Variants in CCN4 observed in about 807,000 individuals in gnomAD.
The protein encoded by CCN4 is cellular communication network factor 4.
A neutral mutation model predicts 36.7 loss-of-function variants in CCN4; 30 were observed. The ratio of observed to expected loss-of-function variants is 0.82; its 90% CI spans 0.61 to 1.11. CCN4 has a LOEUF of 1.11. Ranked by LOEUF, CCN4 falls within the 50% of genes least tolerant of loss-of-function variation. The pLI is 0.00. For synonymous variants in CCN4, 191 were observed against 195.4 expected (o/e 0.98, Z 0.19); for missense variants, 505 against 504.9 (o/e 1.00, Z 0.00).
chr8:133,210,077 G>T (rs1276095813), intron 1 of CCN4, among the ~76,000 whole-genome samples: 1 of 152,142 alleles, frequency 6.6e-6, no homozygotes, highest in Admixed American at 6.5e-5. Context: ...AGCCTTTTTA[G>T]CCGACAATCC....
At chr8:133,213,802 A>G (rs1854159385) in intron 2 of CCN4, among the ~76,000 whole-genome samples, 1 of 146,372 alleles carries the variant, frequency 6.8e-6, no homozygotes, top group African/African-American at 2.5e-5. Context: ...AGGGGGAAAT[A>G]TACTACATAT....
At chr8:133,192,963 T>C (rs1324243005) in intron 1 of CCN4, among the ~76,000 whole-genome samples, 3 of 152,198 alleles carry the variant, frequency 2.0e-5, no homozygotes, top group Admixed American at 2.0e-4. Context: ...ACCTCTCTTC[T>C]AGGCAGCCCC....
chr8:133,225,123 T>C (rs1854680553), intron 3 of CCN4, among the ~76,000 whole-genome samples: 1 of 152,200 alleles, frequency 6.6e-6, no homozygotes, highest in South Asian at 2.1e-4. Context: ...GAATTTGAAC[T>C]GGGATCCACC....
Position 133,213,144 on chromosome 8 carries a change from G to C in CCN4, c.349+1G>C. On this transcript the variant is annotated splice_donor_variant, in intron 2 of 4. Coordinates refer to ENST00000250160, the MANE Select transcript of CCN4 (RefSeq NM_003882.4). LOFTEE classifies it high-confidence loss of function. ...AGGTACGCAATAGGAGTGTGTGCAC[G>C]TAAGTGAGTCCTCCATACCTTCTGA... is the stretch of plus-strand genomic sequence containing the variant. The C allele has an allele frequency of 6.9e-7, 1 of 1,454,186 alleles. No individual in the cohort carries two copies. The allele number at this position is 1,454,186 out of a possible 1,614,324, so 90.1% of individuals were successfully genotyped here.
chr8:133,191,286 G>A, intron 1 of CCN4, 73 bp downstream of exon 1: 2 of 1,502,616 alleles, frequency 1.3e-6, no homozygotes, highest in East Asian at 2.4e-5. Context: ...CATGGGGGCT[G>A]GTGGGCAGGA....
intron 1 of CCN4, among the ~76,000 whole-genome samples, chr8:133,207,527 G>A (rs961653037): frequency 2.6e-5 from 4 of 152,112 alleles, no homozygotes; most frequent in East Asian, 1.9e-4. Flanking sequence ...TTAGTGGCTC[G>A]AAAACTCTGG....
At chr8:133,211,946 C>T (rs1422685870) in intron 1 of CCN4, among the ~76,000 whole-genome samples, 3 of 152,228 alleles carry the variant, frequency 2.0e-5, no homozygotes, top group Non-Finnish European at 4.4e-5. Context: ...GCTGGAGATA[C>T]AGGCAGCTTG....
At chr8:133,201,749 A>G (rs1853593763) in intron 1 of CCN4, among the ~76,000 whole-genome samples, 1 of 152,136 alleles carries the variant, frequency 6.6e-6, no homozygotes, top group Non-Finnish European at 1.5e-5. Context: ...AGGCTGAGGG[A>G]CAAGAATCAC....
chr8:133,220,739 C>G lies in CCN4; in HGVS notation c.508C>G (p.Pro170Ala). ...VRPPRLWCPH[P>A]RRVSIPGHCC... is the part of the protein sequence containing the mutation. The stretch of plus-strand genomic sequence containing the variant: ...CCCCCCGCGTCTCTGGTGCCCCCAC[C>G]CGCGGCGCGTGAGCATACCTGGCCA... Residue 170 changes from proline to alanine, a missense_variant, in exon 3 of 5, where the codon CCG becomes GCG. Coordinates refer to ENST00000250160, the MANE Select transcript of CCN4 (RefSeq NM_003882.4). The G allele has an allele frequency of 6.2e-7, 1 of 1,613,578 alleles. No individual in the cohort carries two copies. The highest frequency in any genetic ancestry group is 8.5e-7 in the Non-Finnish European group (1 of 1,179,954).
rs149109482 is a variant in CCN4, at chr8:133,200,412, G to T, written c.69+9199G>T. Among the ~76,000 whole-genome samples, 722 of 152,314 alleles carry T rather than the reference G, an allele frequency of 4.7e-3. 6 individuals are homozygous for T. Among genetic ancestry groups the T allele is most frequent in the African/African-American group, 0.016 (651 of 41,572 alleles). ...GCCCTTGTAGGTGGAACAAGCCCGA[G>T]CTCAATGACAGCAAAGAGCTTCATT... On this transcript the variant is annotated intron_variant, in intron 1 of 4. Coordinates refer to ENST00000250160, the MANE Select transcript of CCN4 (RefSeq NM_003882.4).
At position 133,191,202 on chromosome 8, in the gene CCN4, G is replaced by T. The variant is rs774136940; in HGVS notation, c.58G>T (p.Val20Phe). 1.2e-6 allele frequency: 2 copies of T among 1,606,096 alleles called. No homozygotes were observed. The highest frequency in any genetic ancestry group is 1.3e-5 in the African/African-American group (1 of 74,880). The change falls in exon 1 of 5, where the codon GTC becomes TTC. Residue 20 changes from valine (V) to phenylalanine (F), a missense_variant. By Grantham distance (50) the Val-to-Phe change is conservative. Coordinates refer to ENST00000250160, the MANE Select transcript of CCN4 (RefSeq NM_003882.4). The stretch of plus-strand genomic sequence containing the variant: ...AGTGACAGCAGCAGCCGCCAGCACC[G>T]TCCTGGCCACGGTGAGTCCTGCCTG... ...AAVTAAAASTVLATALSPAPT... is the reference protein window; with the variant it reads ...AAVTAAAASTFLATALSPAPT...
Position 133,227,560 on chromosome 8 carries a change from C to G in CCN4, c.954C>G (p.Ile318Met), listed in dbSNP as rs765459228. ...RCCIPYKSKT[I>M]DVSFQCPDGL... ...GCATCCCCTACAAGTCTAAGACTAT[C>G]GACGTGTCCTTCCAGTGTCCTGATG... Residue 318 changes from isoleucine (I) to methionine (M), a missense_variant, in exon 5 of 5, where the codon ATC (isoleucine) becomes ATG (methionine). Physicochemically the swap from Ile to Met is conservative, Grantham distance 10. Transcript: ENST00000250160. 6.2e-7 allele frequency: 1 copy of G among 1,614,234 alleles called. No homozygotes were observed. Among genetic ancestry groups the G allele is most frequent in the East Asian group, 2.2e-5 (1 of 44,880 alleles).
intron 2 of CCN4, among the ~76,000 whole-genome samples, chr8:133,218,238 T>C (rs1252910686): frequency 6.6e-6 from 1 of 152,092 alleles, no homozygotes; most frequent in African/African-American, 2.4e-5. Context: ...CATGAAGTCA[T>C]TGGGAGAACT....
Position 133,220,796 on chromosome 8 carries a change from G to C in CCN4, c.565G>C (p.Ala189Pro), listed in dbSNP as rs73711822. The C allele has an allele frequency of 6.2e-7, 1 of 1,610,630 alleles. No homozygotes were observed. Among genetic ancestry groups the C allele is most frequent in the Non-Finnish European group, 8.5e-7 (1 of 1,178,502 alleles). Residue 189 changes from alanine (A) to proline (P), a missense_variant, in exon 3 of 5, where the codon GCC becomes CCC. Transcript: ENST00000250160. The part of the protein sequence containing the change: ...CCEQWVCEDD[A>P]KRPRKTAPRD... ...TGAGCAGTGGGTATGTGAGGACGAC[G>C]CCAAGAGGCCACGCAAGACCGCACC...
At position 133,206,797 on chromosome 8, in the gene CCN4, T is replaced by G. The variant is rs1489576128; in HGVS notation, c.70-6067T>G. Among the ~76,000 whole-genome samples the G allele has an allele frequency of 2.0e-5, 3 of 152,176 alleles. No individual in the cohort carries two copies. In the East Asian group the frequency reaches 5.8e-4, roughly 29 times the overall value. ...CTGGAATTAAGGTCCCAGAACTAAC[T>G]GGGAGGTTCTAAGATGTGACCTCGC... is the stretch of plus-strand genomic sequence containing the variant. On this transcript the variant is annotated intron_variant, in intron 1 of 4. Transcript: ENST00000250160.
At chr8:133,215,040 G>A (rs1367383833) in intron 2 of CCN4, among the ~76,000 whole-genome samples, 3 of 152,146 alleles carry the variant, frequency 2.0e-5, no homozygotes, top group African/African-American at 7.2e-5. Context: ...TTGGCTTTCT[G>A]TGAATAACCA....
At chr8:133,215,727 T>C (rs547354665) in intron 2 of CCN4, among the ~76,000 whole-genome samples, 3 of 152,114 alleles carry the variant, frequency 2.0e-5, no homozygotes, top group Admixed American at 2.0e-4. Flanking sequence ...TCCTTTTATT[T>C]GAAAAAAACA....
At chr8:133,197,673 C>T (rs1404747134) in intron 1 of CCN4, among the ~76,000 whole-genome samples, 6 of 152,126 alleles carry the variant, frequency 3.9e-5, no homozygotes, top group Non-Finnish European at 5.9e-5. Context: ...AATCTGAGCC[C>T]GCCCACCCCA....
chr8:133,220,079 A>C (rs1854461497), intron 2 of CCN4, among the ~76,000 whole-genome samples: 1 of 152,024 alleles, frequency 6.6e-6, no homozygotes, highest in South Asian at 2.1e-4. Context: ...TCCACAGCAT[A>C]AGCTCTTTGA....
Sources: allele counts gnomAD v4.1 joint callset (sites outside exome capture counted in the v4.1 genomes callset), GRCh38; gene constraint gnomAD v4.1.1; transcripts MANE v1.5; gene names NCBI Gene and HGNC (gene_info 2026-07-23, HGNC 2026-07-21).